Variants in HYDIN observed in about 807,000 individuals in gnomAD.
The protein encoded by HYDIN is axonemal central pair apparatus protein HYDIN.
In HYDIN, 132 loss-of-function variants were observed where a neutral mutation model predicts 403.9. The ratio of observed to expected loss-of-function variants is 0.33; its 90% CI spans 0.28 to 0.38. The LOEUF (loss-of-function observed/expected upper bound fraction) is 0.38. Among genes scored for constraint, HYDIN ranks in the 10% least tolerant of loss-of-function variants. The probability of loss-of-function intolerance (pLI) is 1.00; values close to 1 mark genes in which losing one functional copy is unlikely to be tolerated. For synonymous variants in HYDIN, 1,202 were observed against 1,891.7 expected, an observed-to-expected ratio of 0.64 and a Z score of 9.46; for missense variants, 2,827 against 5,009.5, an observed-to-expected ratio of 0.56 and a Z score of 13.15.
chr16:71,093,827 T>G lies in HYDIN; in HGVS notation c.1436A>C (p.His479Pro), dbSNP rs771245870. Residue 479 changes from histidine (H) to proline (P), a missense_variant, in exon 11 of 86, where the codon CAT becomes CCT. His to Pro is a moderately conservative substitution (Grantham distance 77). Transcript: ENST00000393567. ...AACTCTAGTGCTTACCTCATAACAA[T>G]GTGCAGATCCAGTGAAAACTTTCCC... ...DIGKVFTGSA[H>P]CYEAILYNKG... is the part of the protein sequence containing the mutation. 1 of 1,613,364 alleles carries G rather than the reference T, an allele frequency of 6.2e-7. No individual in the cohort carries two copies. Among genetic ancestry groups the G allele is most frequent in the African/African-American group, 1.3e-5 (1 of 74,908 alleles).
chr16:71,202,116 A>G (rs1399035840), intron 1 of HYDIN, among the ~76,000 whole-genome samples: 1 of 152,264 alleles, frequency 6.6e-6, no homozygotes, highest in African/African-American at 2.4e-5. Flanking sequence ...AAAGACTGGT[A>G]GGATTTCAGG....
At position 71,084,957 on chromosome 16, in the gene HYDIN, G is replaced by A. The variant is rs1238425840; in HGVS notation, c.1670+3344C>T. ...CATCATTCAGGATAAATCCCACTTC[G>A]TCATGGGGTATAATCCTTTCCACAT... On this transcript the variant is annotated intron_variant, in intron 12 of 85. Transcript: ENST00000393567. 3.4e-5 allele frequency among the ~76,000 whole-genome samples: 5 copies of A among 147,988 alleles called. No homozygotes were observed. In the East Asian group the frequency reaches 8.0e-4, roughly 24 times the overall value.
intron 58 of HYDIN, among the ~76,000 whole-genome samples, chr16:70,887,502 G>T (rs111565403): frequency 3.3e-5 from 5 of 151,918 alleles, no homozygotes; most frequent in African/African-American, 1.2e-4. Context: ...TTCTTTCCTG[G>T]TGTCTCCAGA....
At chr16:70,833,106 G>C (rs1366167302) in intron 79 of HYDIN, 39 bp from the exon 80 acceptor site, 2 of 1,560,034 alleles carry the variant, frequency 1.3e-6, no homozygotes, top group Admixed American at 1.9e-5. Context: ...AGAGTTTATG[G>C]ATGTTGTAAG....
At position 70,920,807 on chromosome 16, in the gene HYDIN, C is replaced by G; in HGVS notation, c.7569G>C (p.Lys2523Asn). The change falls in exon 46 of 86, where the codon AAG (lysine) becomes AAC (asparagine). Residue 2523 changes from lysine to asparagine, a missense_variant. Coordinates refer to ENST00000393567, the MANE Select transcript of HYDIN (RefSeq NM_001270974.2). ...CCGCCTTCTCCCTCTCCAGGCGCTCCTTCTCCGTGCGCTCCTTCTCCAGGC... is the reference window on the plus strand; with the variant it reads ...CCGCCTTCTCCCTCTCCAGGCGCTCGTTCTCCGTGCGCTCCTTCTCCAGGC... Reference protein sequence around the residue: ...RERLEKERTEKERLEREKAER... With the variant: ...RERLEKERTENERLEREKAER... 4 of 1,563,972 alleles carry G rather than the reference C, an allele frequency of 2.6e-6. No individual in the cohort carries two copies. Among genetic ancestry groups the G allele is most frequent in the Non-Finnish European group, 3.5e-6 (4 of 1,153,412 alleles).
chr16:71,133,906 AG>A lies in HYDIN; in HGVS notation c.1043+3244del, dbSNP rs540264564. 1.3e-3 allele frequency among the ~76,000 whole-genome samples: 202 copies of A among 152,206 alleles called. 1 individual carries two copies. The highest frequency in any genetic ancestry group is 4.8e-3 in the African/African-American group (197 of 41,472). On this transcript the variant is annotated intron_variant, in intron 8 of 85. Transcript: ENST00000393567. Reference sequence around the variant, plus strand: ...AAGGTCCCTATACATCTGATTATCAAGTTAAAAAAAAAAATTTAAAGTACAG... The same window carrying A: ...AAGGTCCCTATACATCTGATTATCAATTAAAAAAAAAAATTTAAAGTACAG...
At chr16:71,054,022 A>G (rs999500606) in intron 18 of HYDIN, among the ~76,000 whole-genome samples, 14 of 152,268 alleles carry the variant, frequency 9.2e-5, no homozygotes, top group African/African-American at 3.4e-4. Flanking sequence ...TCTCTTAACC[A>G]AGAGAATCTC....
At chr16:70,888,264 G>A (rs1284392136) in intron 58 of HYDIN, among the ~76,000 whole-genome samples, 1 of 152,278 alleles carries the variant, frequency 6.6e-6, no homozygotes, top group Non-Finnish European at 1.5e-5. Flanking sequence ...TTGGTATGAT[G>A]AGTGATTTTC....
chr16:70,974,350 C>T (rs1473526247), intron 32 of HYDIN, 50 bp from the exon 33 acceptor site: 9 of 1,488,356 alleles, frequency 6.0e-6, no homozygotes, highest in Admixed American at 4.7e-5. Context: ...AAACAGCAAA[C>T]AAGAGCTGCT....
chr16:70,982,002 C>T (rs774697919), intron 28 of HYDIN, among the ~76,000 whole-genome samples: 30 of 151,426 alleles, frequency 2.0e-4, no homozygotes, highest in South Asian at 8.4e-4. Flanking sequence ...GTGGTGGGCA[C>T]CTGTAGTCCC....
intron 9 of HYDIN, among the ~76,000 whole-genome samples, chr16:71,122,584 C>T (rs1195311004): frequency 2.5e-5 from 2 of 80,272 alleles, no homozygotes; most frequent in Non-Finnish European, 4.8e-5. Context: ...TTCTTCTCTG[C>T]TAGCCATCTG....
chr16:71,150,443 T>C lies in HYDIN; in HGVS notation c.841+2216A>G, dbSNP rs146235263. Among the ~76,000 whole-genome samples the C allele has an allele frequency of 8.6e-3, 1,303 of 151,920 alleles. 16 individuals carry two copies. Among genetic ancestry groups the C allele is most frequent in the African/African-American group, 0.03 (1,235 of 41,396 alleles). ...TAACAGTGCAATAATAGATTAAGTA[T>C]TGGAATAATAGAGTATTCCATATTC... is the stretch of plus-strand genomic sequence containing the variant. On this transcript the variant is annotated intron_variant, in intron 7 of 85. Transcript: ENST00000393567.
chr16:71,057,690 C>A (rs2081946002), intron 18 of HYDIN, among the ~76,000 whole-genome samples: 1 of 151,158 alleles, frequency 6.6e-6, no homozygotes, highest in African/African-American at 2.4e-5. Context: ...TTTTCGCAAC[C>A]TACTCATCTG....
At chr16:71,195,956 A>G (rs2087680075) in intron 1 of HYDIN, among the ~76,000 whole-genome samples, 1 of 152,240 alleles carries the variant, frequency 6.6e-6, no homozygotes. Flanking sequence ...GGCAAAGAAA[A>G]AAATCAAATA....
chr16:70,926,182 T>C (rs1008232396), intron 45 of HYDIN, among the ~76,000 whole-genome samples: 4 of 147,560 alleles, frequency 2.7e-5, no homozygotes, highest in Non-Finnish European at 4.5e-5. Flanking sequence ...TGCGGCACTA[T>C]TCACAATAGC....
rs1425365107 is a variant in HYDIN, at chr16:71,065,976, G to C, written c.2076-1136C>G. On this transcript the variant is annotated intron_variant, in intron 15 of 85. Coordinates refer to ENST00000393567, the MANE Select transcript of HYDIN (RefSeq NM_001270974.2). ...TTTGCATGAGTGTTCATTTCTAGCT[G>C]GAATGGAAGTTGTCTGTTGACCCAG... Among the ~76,000 whole-genome samples the C allele has an allele frequency of 2.6e-5, 4 of 152,270 alleles. 1 individual carries two copies. The highest frequency in any genetic ancestry group is 4.1e-4 in the South Asian group (2 of 4,826).
intron 75 of HYDIN, 34 bp downstream of exon 75, chr16:70,849,692 C>G: frequency 9.3e-7 from 1 of 1,078,192 alleles, no homozygotes; most frequent in Non-Finnish European, 1.4e-6. Context: ...GCTGAGAGTA[C>G]TTTTGGAGTT....
intron 52 of HYDIN, among the ~76,000 whole-genome samples, chr16:70,902,997 C>T (rs967007209): frequency 2.1e-5 from 3 of 140,522 alleles, no homozygotes; most frequent in Non-Finnish European, 4.5e-5. Context: ...CACTCTATCA[C>T]CCAGGCTAGA....
At chr16:70,937,440 G>C (rs1309235811) in intron 44 of HYDIN, among the ~76,000 whole-genome samples, 1 of 151,348 alleles carries the variant, frequency 6.6e-6, no homozygotes, top group African/African-American at 2.4e-5. Flanking sequence ...TTGATCCCAG[G>C]AGTTCAGTTC....
Sources: allele counts gnomAD v4.1 joint callset (sites outside exome capture counted in the v4.1 genomes callset), GRCh38; gene constraint gnomAD v4.1.1; transcripts MANE v1.5; gene names NCBI Gene and HGNC (gene_info 2026-07-23, HGNC 2026-07-21).